Variants in AK9 observed in about 807,000 individuals in gnomAD.
AK9 encodes the protein adenylate kinase 9.
AK9 carries 191 observed loss-of-function variants against 239.6 expected under a neutral mutation model. The ratio of observed to expected loss-of-function variants is 0.80; its 90% confidence interval spans 0.71 to 0.90. The LOEUF (loss-of-function observed/expected upper bound fraction) is 0.90, where lower values mean the gene tolerates loss of function less well. AK9 is among the 40% of genes least tolerant of loss of function. AK9 has a pLI of 0.00. For synonymous variants in AK9, 689 were observed against 721.0 expected (o/e 0.96, Z 0.71); for missense variants, 1,995 against 2,214.7 (o/e 0.90, Z 1.99).
chr6:109,525,530 T>C (rs1033964920), intron 29 of AK9, among the ~76,000 whole-genome samples: 1 of 152,008 alleles, frequency 6.6e-6, no homozygotes. Flanking sequence ...AAAGAAAACA[T>C]AGACACAGCC....
intron 12 of AK9, among the ~76,000 whole-genome samples, chr6:109,621,983 A>G (rs962004559): frequency 6.8e-6 from 1 of 147,142 alleles, no homozygotes; most frequent in Admixed American, 6.8e-5. Context: ...ACTGTCAAAG[A>G]TATGTTCATA....
chr6:109,654,937 A>G (rs532765414), intron 8 of AK9, among the ~76,000 whole-genome samples: 1 of 152,320 alleles, frequency 6.6e-6, no homozygotes, highest in East Asian at 1.9e-4. Flanking sequence ...AGAGAAGACT[A>G]GAATTGTAGG....
At chr6:109,501,690 G>C (rs1224828008) in intron 35 of AK9, among the ~76,000 whole-genome samples, 1 of 152,164 alleles carries the variant, frequency 6.6e-6, no homozygotes, top group African/African-American at 2.4e-5. Context: ...TTTCCAAATG[G>C]TAACATCTAA....
chr6:109,569,460 A>G lies in AK9; in HGVS notation c.2344+3982T>C, dbSNP rs113458203. 1.7e-3 allele frequency among the ~76,000 whole-genome samples: 254 copies of G among 152,386 alleles called. 2 individuals are homozygous for G. Among genetic ancestry groups the G allele is most frequent in the Middle Eastern group, 3.4e-3 (1 of 294 alleles). ...TAATTAAACTAAGGAGGTTCTGCCC[A>G]GCAAAAGAAACTACCATCAGAGTGA... On this transcript the variant is annotated intron_variant, in intron 21 of 40. Transcript: ENST00000424296.
chr6:109,531,804 C>T (rs577932192), intron 28 of AK9, among the ~76,000 whole-genome samples: 11 of 152,280 alleles, frequency 7.2e-5, no homozygotes, highest in African/African-American at 2.2e-4. Flanking sequence ...TTGGCCTGAA[C>T]GTCATCAAGA....
chr6:109,674,360 C>G, intron 2 of AK9, 99 bp from the exon 3 acceptor site: 1 of 757,156 alleles, frequency 1.3e-6, no homozygotes, highest in South Asian at 2.7e-5. Flanking sequence ...GTTACTATTA[C>G]ATCAATGTTA....
intron 16 of AK9, 126 bp downstream of exon 16, chr6:109,611,884 G>C: frequency 1.5e-6 from 1 of 662,998 alleles, no homozygotes; most frequent in Non-Finnish European, 2.6e-6. Context: ...TAGAGTACTT[G>C]GGTATTAATC....
intron 17 of AK9, among the ~76,000 whole-genome samples, chr6:109,592,094 G>A (rs1345746890): frequency 6.7e-6 from 1 of 149,478 alleles, no homozygotes; most frequent in Non-Finnish European, 1.5e-5. Flanking sequence ...TGAGACTGAT[G>A]TTAACATCAC....
At chr6:109,542,436 T>C (rs1238240613) in intron 26 of AK9, among the ~76,000 whole-genome samples, 1 of 152,190 alleles carries the variant, frequency 6.6e-6, no homozygotes, top group African/African-American at 2.4e-5. Context: ...TAACAATGTA[T>C]TGTGTATTTC....
intron 21 of AK9, among the ~76,000 whole-genome samples, chr6:109,571,074 C>G (rs933324347): frequency 2.0e-5 from 3 of 152,112 alleles, no homozygotes; most frequent in African/African-American, 7.2e-5. Flanking sequence ...TATGTGAAAG[C>G]AATAGATTTG....
At chr6:109,610,798 A>G (rs1383394170) in intron 16 of AK9, among the ~76,000 whole-genome samples, 1 of 152,192 alleles carries the variant, frequency 6.6e-6, no homozygotes, top group Non-Finnish European at 1.5e-5. Flanking sequence ...ACCAGGGAAG[A>G]AATGTAGGGG....
chr6:109,597,269 T>TA (rs1249691253), intron 17 of AK9, among the ~76,000 whole-genome samples: 1 of 152,234 alleles, frequency 6.6e-6, no homozygotes, highest in Non-Finnish European at 1.5e-5. Flanking sequence ...AAAGTGACTC[T>TA]ATCAGTACAG....
chr6:109,647,111 C>T (rs978741884), intron 8 of AK9, among the ~76,000 whole-genome samples: 5 of 152,134 alleles, frequency 3.3e-5, no homozygotes, highest in African/African-American at 1.2e-4. Flanking sequence ...AAAGGAACAA[C>T]CAGTAACAGT....
chr6:109,607,117 G>C (rs1164379045), intron 17 of AK9, among the ~76,000 whole-genome samples: 1 of 151,814 alleles, frequency 6.6e-6, no homozygotes, highest in Non-Finnish European at 1.5e-5. Flanking sequence ...TTTAAAATGG[G>C]ATAAAAAATG....
chr6:109,564,099 T>C lies in AK9; in HGVS notation c.2616A>G (p.Lys872=). ...CCTTACTTTCCATAGTCTCAACTAC[T>C]TTTTGAAGTAATTCCTGTGGAGTTC... ...ADRTPQELLQ[K]VVETMEKPFQ... is the part of the protein sequence containing the mutation. The change falls in exon 23 of 41, where the codon AAA becomes AAG. Residue 872 remains lysine, a synonymous_variant. Transcript: ENST00000424296. 6.4e-7 allele frequency: 1 copy of C among 1,551,104 alleles called. No individual in the cohort carries two copies. Among genetic ancestry groups the C allele is most frequent in the Non-Finnish European group, 8.7e-7 (1 of 1,146,774 alleles).
Position 109,506,774 on chromosome 6 carries a change from GT to G in AK9, c.4507del (p.Thr1503LeufsTer5). ...TTCCAAGAGATTCATTTGATGTTTA[GT>G]TACAGGATATCCATCGATGACAACA... ...AGVVIDGYPV[T>X]KHQMNLLEAR... On this transcript the variant is annotated frameshift_variant, in exon 34 of 41. Transcript: ENST00000424296. LOFTEE classifies it high-confidence loss of function. 1 of 1,511,506 alleles carries G rather than the reference GT, an allele frequency of 6.6e-7. No individual in the cohort carries two copies. The allele number at this position is 1,511,506 out of a possible 1,614,324, so 93.6% of individuals were successfully genotyped here.
chr6:109,651,629 A>G (rs1259366425), intron 8 of AK9, among the ~76,000 whole-genome samples: 2 of 152,174 alleles, frequency 1.3e-5, no homozygotes, highest in Admixed American at 1.3e-4. Flanking sequence ...ATGAATCCAG[A>G]AGCTGGTTTT....
chr6:109,556,630 CT>C (rs1785038739), intron 24 of AK9, among the ~76,000 whole-genome samples: 1 of 152,080 alleles, frequency 6.6e-6, no homozygotes, highest in Non-Finnish European at 1.5e-5. Context: ...TCCCTGTCTC[CT>C]TCTGGTACTC....
intron 16 of AK9, 63 bp downstream of exon 16, chr6:109,611,947 G>C: frequency 9.3e-7 from 1 of 1,074,896 alleles, no homozygotes. Flanking sequence ...AATTCTGAGG[G>C]AACTACTTGT....
Sources: gnomAD v4.1 joint callset for allele counts (sites outside exome capture counted in the v4.1 genomes callset) on GRCh38, gnomAD v4.1.1 for gene constraint, MANE v1.5 for transcripts, NCBI Gene and HGNC (gene_info 2026-07-23, HGNC 2026-07-21) for gene names.